Variants in IQSEC3 observed in about 807,000 individuals in gnomAD.
IQSEC3 encodes the protein IQ motif and Sec7 domain ArfGEF 3.
In IQSEC3, 50 loss-of-function variants were observed where a neutral mutation model predicts 105.4. That is an observed-to-expected ratio of 0.47 (90% CI 0.38 to 0.60). The LOEUF is 0.60. IQSEC3 is among the 20% of genes least tolerant of loss of function. The pLI, the probability that IQSEC3 is intolerant of heterozygous loss-of-function variation, is 0.00. For missense variants in IQSEC3, 1,415 were observed against 1,630.0 expected, an observed-to-expected ratio of 0.87 and a Z score of 2.27; for synonymous variants, 708 against 746.0, an observed-to-expected ratio of 0.95 and a Z score of 0.83.
Position 176,733 on chromosome 12 carries a change from C to G in IQSEC3, c.*1700C>G, listed in dbSNP as rs1201156314. Reference sequence around the variant, plus strand: ...CTGTAACTTGCAGCCAATTTGCCCTCTCCCCTGTGGCTGCCAGCCCATCTG... The same window carrying G: ...CTGTAACTTGCAGCCAATTTGCCCTGTCCCCTGTGGCTGCCAGCCCATCTG... On this transcript the variant is annotated 3_prime_UTR_variant, in exon 14 of 14. Coordinates refer to ENST00000538872, the MANE Select transcript of IQSEC3 (RefSeq NM_001170738.2). The surrounding 1 kb of genome is among the most constrained non-coding windows in gnomAD (Gnocchi z 4.0). 1.3e-5 allele frequency: 2 copies of G among 152,386 alleles called. No homozygotes were observed. The highest frequency in any genetic ancestry group is 4.8e-5 in the African/African-American group (2 of 41,444). The allele number at this position is 152,386 out of a possible 1,614,324, so 9.4% of individuals were successfully genotyped here.
intron 6 of IQSEC3, 135 bp from the exon 7 acceptor site, chr12:157,393 G>T: frequency 8.6e-7 from 1 of 1,160,214 alleles, no homozygotes; most frequent in South Asian, 1.6e-5. Flanking sequence ...ACCAGAGTAT[G>T]GGACAGACAC....
At position 157,109 on chromosome 12, in the gene IQSEC3, G is replaced by A. The variant is rs1555094571; in HGVS notation, c.2238G>A (p.Gly746=). 3.7e-6 allele frequency: 6 copies of A among 1,600,496 alleles called. No homozygotes were observed. The highest frequency in any genetic ancestry group is 5.1e-6 in the Non-Finnish European group (6 of 1,173,460). Residue 746 remains glycine, a synonymous_variant, in exon 6 of 14, where the codon GGG becomes GGA. Coordinates refer to ENST00000538872, the MANE Select transcript of IQSEC3 (RefSeq NM_001170738.2). ...TCCAGGCACACATCCGTGTGCAGGG[G>A]GAGGCTCAGAAGGTGGAGCGGCTCA... ...RKFQAHIRVQ[G]EAQKVERLIE...
At chr12:161,267 T>C (rs557900341) in intron 7 of IQSEC3, among the ~76,000 whole-genome samples, 1 of 152,382 alleles carries the variant, frequency 6.6e-6, no homozygotes, top group Non-Finnish European at 1.5e-5. Context: ...TTTAATCGCC[T>C]GTTTCTCCAA....
At chr12:128,459 T>A (rs1865485549) in intron 3 of IQSEC3, among the ~76,000 whole-genome samples, 2 of 152,144 alleles carry the variant, frequency 1.3e-5, no homozygotes, top group African/African-American at 4.8e-5. Flanking sequence ...TAACACTTGA[T>A]ATTCCAACCC....
At chr12:71,411 T>C (rs1460999637) in intron 1 of IQSEC3, among the ~76,000 whole-genome samples, 2 of 152,290 alleles carry the variant, frequency 1.3e-5, no homozygotes, top group African/African-American at 4.8e-5. Flanking sequence ...GACACATATC[T>C]AGAAATGCCT....
At chr12:99,243 G>C (rs145772508) in intron 2 of IQSEC3, 29 bp downstream of exon 2, 5 of 1,585,926 alleles carry the variant, frequency 3.2e-6, no homozygotes, top group South Asian at 1.1e-5. Context: ...CCTCCCTTCC[G>C]CATCCCCACC....
chr12:170,825 T>C (rs1179247357), intron 12 of IQSEC3, among the ~76,000 whole-genome samples: 1 of 152,204 alleles, frequency 6.6e-6, no homozygotes, highest in Non-Finnish European at 1.5e-5. Context: ...TCCAAGCCTT[T>C]TACAGTTCGT....
intron 2 of IQSEC3, among the ~76,000 whole-genome samples, chr12:99,937 C>T (rs935645007): frequency 2.6e-5 from 4 of 151,804 alleles, no homozygotes; most frequent in Admixed American, 6.6e-5. Flanking sequence ...GCTCCCCACC[C>T]GCCCCCCGAT....
chr12:145,714 T>C (rs531249656), intron 5 of IQSEC3, among the ~76,000 whole-genome samples: 1 of 152,326 alleles, frequency 6.6e-6, no homozygotes, highest in Admixed American at 6.5e-5. Flanking sequence ...TAGGGCCCTC[T>C]AGGGCTGGAA....
rs561870429 is a variant in IQSEC3 at position 152,531 on chromosome 12, A to G, written c.2154-4494A>G. Among the ~76,000 whole-genome samples the G allele has an allele frequency of 2.3e-4, 35 of 152,356 alleles. No homozygotes were observed. The South Asian group carries it at 6.4e-3, about 28-fold the overall frequency. ...AGCACGCCTGTAGGGCTGGCTGTCT[A>G]GTGTACTTCAGTCTCATATGTAATA... On this transcript the variant is annotated intron_variant, in intron 5 of 13. Coordinates refer to ENST00000538872, the MANE Select transcript of IQSEC3 (RefSeq NM_001170738.2). The surrounding 1 kb of genome is among the most constrained non-coding windows in gnomAD (Gnocchi z 4.8).
In IQSEC3 at chr12:158,151, C is replaced by A. The variant is rs149925773; in HGVS notation, c.2443+457C>A. 2.0e-5 allele frequency among the ~76,000 whole-genome samples: 3 copies of A among 152,046 alleles called. No homozygotes were observed. In the East Asian group the frequency reaches 5.8e-4, roughly 29 times the overall value. Reference sequence around the variant, plus strand: ...CTGGCAGGGAGCAAACCAGGACTGGCAGAGTGTGATGTGTGCGCAATTGTT... The same window carrying A: ...CTGGCAGGGAGCAAACCAGGACTGGAAGAGTGTGATGTGTGCGCAATTGTT... On this transcript the variant is annotated intron_variant, in intron 7 of 13. Transcript: ENST00000538872.
intron 1 of IQSEC3, among the ~76,000 whole-genome samples, chr12:87,055 C>T (rs1863939665): frequency 6.6e-6 from 1 of 152,146 alleles, no homozygotes; most frequent in African/African-American, 2.4e-5. Context: ...TAACCAACAA[C>T]ATGCTGTGAG....
intron 2 of IQSEC3, among the ~76,000 whole-genome samples, chr12:124,052 T>A (rs933475756): frequency 1.2e-4 from 19 of 152,072 alleles, no homozygotes; most frequent in African/African-American, 4.6e-4. Context: ...AAATAACACA[T>A]AGGCCCTGGC....
At chr12:169,170 G>A in intron 12 of IQSEC3, 65 bp downstream of exon 12, 2 of 1,358,190 alleles carry the variant, frequency 1.5e-6, no homozygotes, top group Non-Finnish European at 1.0e-6. Flanking sequence ...CTGGGTGTGG[G>A]TCCTGGGCAA....
At position 138,872 on chromosome 12, in the gene IQSEC3, G is replaced by A. The variant is rs781815768; in HGVS notation, c.1509G>A (p.Thr503=). The A allele has an allele frequency of 1.9e-6, 3 of 1,611,970 alleles. No homozygotes were observed. Among genetic ancestry groups the A allele is most frequent in the Admixed American group, 1.7e-5 (1 of 59,936 alleles). ...ANQNISVSSS[T]ALSVANCLGA... ...AGAACATATCCGTCTCCTCCTCCAC[G>A]GCTCTGTCGGTGGCCAACTGCCTGG... The change falls in exon 4 of 14, where the codon ACG becomes ACA. Residue 503 remains threonine, a synonymous_variant. Transcript: ENST00000538872. The surrounding 1 kb of genome is among the most constrained non-coding windows in gnomAD (Gnocchi z 7.1).
At chr12:115,746 G>A (rs936448798) in intron 2 of IQSEC3, among the ~76,000 whole-genome samples, 15 of 152,252 alleles carry the variant, frequency 9.9e-5, no homozygotes, top group Admixed American at 3.3e-4. Flanking sequence ...AGTGAGTGGC[G>A]GGATTTTAAC....
rs1455025832 is a variant in IQSEC3 at position 175,868 on chromosome 12, T to C, written c.*835T>C. 6.6e-6 allele frequency: 1 copy of C among 152,372 alleles called. No homozygotes were observed. The allele number at this position is 152,372 out of a possible 1,614,324, so 9.4% of individuals were successfully genotyped here. ...CCAATGCCGTGTACGCACCGGCATG[T>C]GCACGCAAACACGCATGAGAACCAG... On this transcript the variant is annotated 3_prime_UTR_variant, in exon 14 of 14. Transcript: ENST00000538872.
At chr12:128,213 T>TC (rs1228771080) in intron 3 of IQSEC3, among the ~76,000 whole-genome samples, 8 of 151,314 alleles carry the variant, frequency 5.3e-5, no homozygotes, top group African/African-American at 2.0e-4. Context: ...GGCCCGGGTG[T>TC]CCCCGTCACA....
chr12:146,981 C>T (rs1866302743), intron 5 of IQSEC3, among the ~76,000 whole-genome samples: 1 of 152,210 alleles, frequency 6.6e-6, no homozygotes, highest in South Asian at 2.1e-4. Flanking sequence ...GAGTTTAAGA[C>T]CTACTTACTT....
Sources: allele counts gnomAD v4.1 joint callset (sites outside exome capture counted in the v4.1 genomes callset), GRCh38; gene constraint gnomAD v4.1.1; non-coding constraint Gnocchi (gnomAD v3.1); transcripts MANE v1.5; gene names NCBI Gene and HGNC (gene_info 2026-07-23, HGNC 2026-07-21).